Variants in OSBPL3 observed in about 807,000 individuals in gnomAD.
OSBPL3 encodes oxysterol binding protein like 3.
OSBPL3 carries 65 observed loss-of-function variants against 120.1 expected under a neutral mutation model. That is an observed-to-expected ratio of 0.54 (90% CI 0.44 to 0.67). The LOEUF (loss-of-function observed/expected upper bound fraction) is 0.67, where lower values mean the gene tolerates loss of function less well. OSBPL3 is among the 30% of genes least tolerant of loss of function. OSBPL3 has a pLI of 0.00. For missense variants in OSBPL3, 1,004 were observed against 1,082.1 expected, an observed-to-expected ratio of 0.93 and a Z score of 1.01; for synonymous variants, 416 against 402.6, an observed-to-expected ratio of 1.03 and a Z score of -0.40.
intron 1 of OSBPL3, among the ~76,000 whole-genome samples, chr7:24,974,645 A>G (rs755221383): frequency 6.6e-6 from 1 of 152,248 alleles, no homozygotes; most frequent in Non-Finnish European, 1.5e-5. Context: ...TATACATACA[A>G]TGGGGTATTA....
At chr7:24,823,668 A>T (rs957714637) in intron 16 of OSBPL3, among the ~76,000 whole-genome samples, 1 of 152,212 alleles carries the variant, frequency 6.6e-6, no homozygotes, top group Admixed American at 6.5e-5. Context: ...TCTTTGTAAA[A>T]TGAGGTGTGA....
rs1251684141 is a variant in OSBPL3, at chr7:24,813,049, TTAAATTTGTTG to T, written c.2172+1999_2172+2009del. On this transcript the variant is annotated intron_variant, in intron 19 of 22. Coordinates refer to ENST00000313367, the MANE Select transcript of OSBPL3 (RefSeq NM_015550.4). This position sits in a 1 kb window ranked among gnomAD's most constrained non-coding sequence, Gnocchi z 4.5. ...GCATGCCACCGTGTCTGGCTAATTT[TTAAATTTGTTG>T]TAGAGATAGGGTCTTGTCAGATTGC... is the stretch of plus-strand genomic sequence containing the variant. 6.6e-6 allele frequency among the ~76,000 whole-genome samples: 1 copy of T among 152,144 alleles called. No homozygotes were observed. The highest frequency in any genetic ancestry group is 1.5e-5 in the Non-Finnish European group (1 of 68,024).
intron 1 of OSBPL3, among the ~76,000 whole-genome samples, chr7:24,957,318 CA>C (rs1815188724): frequency 6.6e-6 from 1 of 151,974 alleles, no homozygotes; most frequent in Admixed American, 6.5e-5. Context: ...CCAAATGCCC[CA>C]AACAAACAAA....
chr7:24,835,454 A>T lies in OSBPL3; in HGVS notation c.1496-718T>A, dbSNP rs1436457272. 1.3e-5 allele frequency among the ~76,000 whole-genome samples: 2 copies of T among 152,152 alleles called. No homozygotes were observed. Among genetic ancestry groups the T allele is most frequent in the African/African-American group, 4.8e-5 (2 of 41,452 alleles). On this transcript the variant is annotated intron_variant, in intron 14 of 22. Transcript: ENST00000313367. This position sits in a 1 kb window ranked among gnomAD's most constrained non-coding sequence, Gnocchi z 4.8. The stretch of plus-strand genomic sequence containing the variant: ...GCTGCAGAGAAAAGGGAATACTTAT[A>T]CACTACTGGCGGGAATGTAATTAGC...
intron 1 of OSBPL3, among the ~76,000 whole-genome samples, chr7:24,929,271 A>G (rs1811482753): frequency 6.6e-6 from 1 of 152,220 alleles, no homozygotes; most frequent in Non-Finnish European, 1.5e-5. Context: ...TTTCTAAGGA[A>G]CACAGGCAAT....
At chr7:24,858,104 C>T (rs920052676) in intron 10 of OSBPL3, among the ~76,000 whole-genome samples, 2 of 152,112 alleles carry the variant, frequency 1.3e-5, no homozygotes, top group African/African-American at 2.4e-5. Flanking sequence ...CAACAATATG[C>T]CATAAAAATC....
intron 11 of OSBPL3, among the ~76,000 whole-genome samples, chr7:24,850,090 T>C (rs1216331842): frequency 6.6e-6 from 1 of 152,144 alleles, no homozygotes; most frequent in Non-Finnish European, 1.5e-5. Flanking sequence ...AAAAAAGAAA[T>C]GAGTAAGCCT....
rs1480613334 is a variant in OSBPL3, at chr7:24,815,189, A to G, written c.2042T>C (p.Phe681Ser). Residue 681 changes from phenylalanine to serine, a missense_variant, in exon 19 of 23, where the codon TTT becomes TCT. Phe to Ser is a radical substitution (Grantham distance 155, BLOSUM62 -2). Coordinates refer to ENST00000313367, the MANE Select transcript of OSBPL3 (RefSeq NM_015550.4). The surrounding 1 kb of genome is among the most constrained non-coding windows in gnomAD (Gnocchi z 5.1). ...HVTLPVFGDH[F>S]EWNKVTSCIH... ...GCAAGAGGTCACTTTGTTCCACTCA[A>G]AATGATCCCCAAAACTAAAAAGAAG... The G allele has an allele frequency of 6.2e-7, 1 of 1,613,398 alleles. No individual in the cohort carries two copies.
rs1288039993 is a variant in OSBPL3 at position 24,894,719 on chromosome 7, T to TGA, written c.-149-2100_-149-2099dup. ...AACGAGAGTCTACAAGAGTCTGGGA[T>TGA]GAGAGGGGTGTGTGTGCAATGTAAA... On this transcript the variant is annotated intron_variant, in intron 1 of 22. Coordinates refer to ENST00000313367, the MANE Select transcript of OSBPL3 (RefSeq NM_015550.4). The surrounding 1 kb of genome is among the most constrained non-coding windows in gnomAD (Gnocchi z 4.1). Among the ~76,000 whole-genome samples the TGA allele has an allele frequency of 6.6e-6, 1 of 152,100 alleles. No individual in the cohort carries two copies. The highest frequency in any genetic ancestry group is 1.5e-5 in the Non-Finnish European group (1 of 68,010).
chr7:24,857,609 G>A (rs1263289087), intron 10 of OSBPL3, among the ~76,000 whole-genome samples: 1 of 152,210 alleles, frequency 6.6e-6, no homozygotes, highest in Non-Finnish European at 1.5e-5. Context: ...TCCACAGCTA[G>A]TCAGTAACAG....
rs138511768 is a variant in OSBPL3, at chr7:24,865,082, G to A, written c.673+260C>T. ...CTTGGAGACTGACTTATAGGCCCAT[G>A]TGGAAATCAGGCATCAGTATCAGGC... On this transcript the variant is annotated intron_variant, in intron 7 of 22. Transcript: ENST00000313367. Among the ~76,000 whole-genome samples the A allele has an allele frequency of 7.9e-5, 12 of 152,296 alleles. No individual in the cohort carries two copies. The East Asian group carries it at 2.3e-3, about 29-fold the overall frequency.
intron 1 of OSBPL3, among the ~76,000 whole-genome samples, chr7:24,979,104 C>T (rs1371573637): frequency 6.6e-6 from 1 of 152,068 alleles, no homozygotes; most frequent in African/African-American, 2.4e-5. Flanking sequence ...TACCTGACCA[C>T]GGAATAAACA....
intron 14 of OSBPL3, among the ~76,000 whole-genome samples, chr7:24,837,280 T>C (rs941373259): frequency 6.6e-6 from 1 of 152,194 alleles, no homozygotes; most frequent in African/African-American, 2.4e-5. Flanking sequence ...CATAGCTCAC[T>C]GTAACCTCGA....
At position 24,912,929 on chromosome 7, in the gene OSBPL3, T is replaced by C. The variant is rs1192888658; in HGVS notation, c.-149-20308A>G. ...CACTTGTCCTGTTGTCTCAGGGTGC[T>C]TGCCCTTCAACTCAGCCACCACGAT... On this transcript the variant is annotated intron_variant, in intron 1 of 22. Coordinates refer to ENST00000313367, the MANE Select transcript of OSBPL3 (RefSeq NM_015550.4). The surrounding 1 kb of genome is among the most constrained non-coding windows in gnomAD (Gnocchi z 4.5). 6.6e-6 allele frequency among the ~76,000 whole-genome samples: 1 copy of C among 152,206 alleles called. No homozygotes were observed. The highest frequency in any genetic ancestry group is 1.5e-5 in the Non-Finnish European group (1 of 68,028).
Position 24,899,294 on chromosome 7 carries a change from T to G in OSBPL3, c.-149-6673A>C, listed in dbSNP as rs1584548352. Among the ~76,000 whole-genome samples, 1 of 152,216 alleles carries G rather than the reference T, an allele frequency of 6.6e-6. No individual in the cohort carries two copies. The highest frequency in any genetic ancestry group is 1.5e-5 in the Non-Finnish European group (1 of 68,036). ...TTCCTGGCCTCAACCACACTGCAAC[T>G]GTTAATACTGCTGGATTTGCCTTAG... On this transcript the variant is annotated intron_variant, in intron 1 of 22. Coordinates refer to ENST00000313367, the MANE Select transcript of OSBPL3 (RefSeq NM_015550.4). The surrounding 1 kb of genome is among the most constrained non-coding windows in gnomAD (Gnocchi z 4.0).
In OSBPL3 at chr7:24,815,890, C is replaced by T. The variant is rs901114319; in HGVS notation, c.2028-687G>A. ...AGTGCCAGAGTGAGCAGGTGAATCT[C>T]GGCAGTCCAGTTTCAGAGTCCCTGC... On this transcript the variant is annotated intron_variant, in intron 18 of 22. Transcript: ENST00000313367. This position sits in a 1 kb window ranked among gnomAD's most constrained non-coding sequence, Gnocchi z 5.1. 6.6e-6 allele frequency among the ~76,000 whole-genome samples: 1 copy of T among 152,130 alleles called. No homozygotes were observed. Among genetic ancestry groups the T allele is most frequent in the Admixed American group, 6.5e-5 (1 of 15,272 alleles).
In OSBPL3 at chr7:24,849,293, C is replaced by G; in HGVS notation, c.1159-117G>C. ...TTGATGAAACTCTTAGTGACGTGGT[C>G]TGACAGCGCACTTTCTGGACTTTTT... On this transcript the variant is annotated intron_variant, in intron 11 of 22. Coordinates refer to ENST00000313367, the MANE Select transcript of OSBPL3 (RefSeq NM_015550.4). The surrounding 1 kb of genome is among the most constrained non-coding windows in gnomAD (Gnocchi z 5.4). The G allele has an allele frequency of 1.4e-6, 1 of 702,368 alleles. No homozygotes were observed. The allele number at this position is 702,368 out of a possible 1,614,324, so 43.5% of individuals were successfully genotyped here.
rs1313869800 is a variant in OSBPL3, at chr7:24,912,581, A to G, written c.-149-19960T>C. ...CCCAAAGACAGAACAGCCCCAGCAC[A>G]GAACAATGACAATCATAGCTCCTGA... is the stretch of plus-strand genomic sequence containing the variant. On this transcript the variant is annotated intron_variant, in intron 1 of 22. Transcript: ENST00000313367. This position sits in a 1 kb window ranked among gnomAD's most constrained non-coding sequence, Gnocchi z 4.5. 6.6e-6 allele frequency among the ~76,000 whole-genome samples: 1 copy of G among 152,236 alleles called. No individual in the cohort carries two copies. The highest frequency in any genetic ancestry group is 1.5e-5 in the Non-Finnish European group (1 of 68,048).
intron 20 of OSBPL3, among the ~76,000 whole-genome samples, chr7:24,809,150 G>T (rs557502307): frequency 1.4e-4 from 22 of 152,126 alleles, no homozygotes; most frequent in Admixed American, 3.9e-4. Flanking sequence ...TTTCTGTTTG[G>T]TTTTTTACCA....
Sources: gnomAD v4.1 joint callset for allele counts (sites outside exome capture counted in the v4.1 genomes callset) on GRCh38, gnomAD v4.1.1 for gene constraint, Gnocchi (gnomAD v3.1) non-coding constraint, MANE v1.5 for transcripts, NCBI Gene and HGNC (gene_info 2026-07-23, HGNC 2026-07-21) for gene names.